Variants in STAB2 observed in about 807,000 individuals in gnomAD.
The protein encoded by STAB2 is stabilin 2, also known as stabilin-2.
Under a neutral mutation model 338.1 loss-of-function variants are expected in STAB2, and 288 were observed. That is an observed-to-expected ratio of 0.85 (90% confidence interval 0.77 to 0.94). The LOEUF (loss-of-function observed/expected upper bound fraction) is 0.94. STAB2 is among the 40% of genes least tolerant of loss of function. The pLI is 0.00. For missense variants in STAB2, 3,141 were observed against 3,210.1 expected (o/e 0.98, Z 0.52); for synonymous variants, 1,202 against 1,193.3 (o/e 1.01, Z -0.15).
Position 103,712,423 on chromosome 12 carries a change from G to A in STAB2, c.4391G>A (p.Gly1464Glu), listed in dbSNP as rs144451227. Residue 1464 changes from glycine to glutamate, a missense_variant, in exon 41 of 69, where the codon GGA becomes GAA. By Grantham distance (98) the Gly-to-Glu change is moderately conservative. Transcript: ENST00000388887. ...ASCKCAAGFQGNGTICTAINA... is the reference protein window; with the variant it reads ...ASCKCAAGFQENGTICTAINA... ...TGCAAGTGTGCAGCAGGATTCCAAG[G>A]AAACGGGACCATCTGCACAGGCAAG... 75 of 1,614,020 alleles carry A rather than the reference G, an allele frequency of 4.6e-5. No individual in the cohort carries two copies. The African/African-American group carries it at 9.1e-4, about 20-fold the overall frequency.
chr12:103,749,823 G>C (rs1380987175), intron 59 of STAB2, among the ~76,000 whole-genome samples: 1 of 108,960 alleles, frequency 9.2e-6, no homozygotes, highest in Non-Finnish European at 1.7e-5. Context: ...CTGGGTGACA[G>C]AGCAAGACTC....
Position 103,745,179 on chromosome 12 carries a change from G to A in STAB2, c.6038G>A (p.Gly2013Asp), listed in dbSNP as rs1364160537. 1 of 1,613,244 alleles carries A rather than the reference G, an allele frequency of 6.2e-7. No homozygotes were observed. Residue 2013 changes from glycine to aspartate, a missense_variant, in exon 57 of 69, where the codon GGC (glycine) becomes GAC (aspartate). Gly to Asp is a moderately conservative substitution (Grantham distance 94). Coordinates refer to ENST00000388887, the MANE Select transcript of STAB2 (RefSeq NM_017564.10). ...GRFGPDCLPCGCSDHGQCDDG... is the reference protein window; with the variant it reads ...GRFGPDCLPCDCSDHGQCDDG... ...TATCCTAATTTGTTTACAGCCTGTG[G>A]CTGCTCAGACCACGGACAGTGCGAT...
intron 44 of STAB2, among the ~76,000 whole-genome samples, chr12:103,721,334 A>G (rs1593282354): frequency 6.6e-6 from 1 of 152,354 alleles, no homozygotes; most frequent in African/African-American, 2.4e-5. Context: ...AGGAAGAGCA[A>G]GCCAGGGGTC....
At chr12:103,698,891 T>C (rs773961943) in intron 33 of STAB2, among the ~76,000 whole-genome samples, 16 of 152,242 alleles carry the variant, frequency 1.1e-4, no homozygotes, top group Admixed American at 6.5e-4. Context: ...GACTGTGCTA[T>C]CTGGAAAATT....
At chr12:103,750,446 A>G (rs1883526113) in intron 59 of STAB2, 133 bp from the exon 60 acceptor site, 20 of 1,101,204 alleles carry the variant, frequency 1.8e-5, no homozygotes, top group Non-Finnish European at 2.6e-5. Flanking sequence ...AGTTATTCCC[A>G]CTGGACAGGA....
chr12:103,750,706 A>G lies in STAB2; in HGVS notation c.6566A>G (p.Asp2189Gly). 1 of 1,613,380 alleles carries G rather than the reference A, an allele frequency of 6.2e-7. No homozygotes were observed. The highest frequency in any genetic ancestry group is 1.3e-5 in the African/African-American group (1 of 75,010). The change falls in exon 60 of 69, where the codon GAC (aspartate) becomes GGC (glycine). Residue 2189 changes from aspartate to glycine, a missense_variant. By Grantham distance (94) the Asp-to-Gly change is moderately conservative. Transcript: ENST00000388887. Reference sequence around the variant, plus strand: ...TGCCATGCAGACGCCAAATGTGTCGACCTCCACTTCCAGGGTTAGTGTGAC... The same window carrying G: ...TGCCATGCAGACGCCAAATGTGTCGGCCTCCACTTCCAGGGTTAGTGTGAC... ...GQCHADAKCVDLHFQDTTVGV... is the reference protein window; with the variant it reads ...GQCHADAKCVGLHFQDTTVGV...
chr12:103,654,632 T>C lies in STAB2; in HGVS notation c.1485T>C (p.Asn495=), dbSNP rs575628868. The C allele has an allele frequency of 2.5e-6, 4 of 1,614,208 alleles. 1 individual carries two copies. In the African/African-American group the frequency reaches 5.3e-5, roughly 22 times the overall value. Residue 495 remains asparagine, a synonymous_variant, in exon 13 of 69, where the codon AAT becomes AAC. Transcript: ENST00000388887. The part of the protein sequence containing the change: ...KIIQGDIIAS[N]GLLHILDRAM... ...TACAAGGGGACATCATTGCTTCCAA[T>C]GGGCTTCTGCACATCCTTGACAGAG...
intron 44 of STAB2, 130 bp from the exon 45 acceptor site, chr12:103,724,845 A>G: frequency 1.3e-6 from 2 of 1,495,506 alleles, no homozygotes; most frequent in Non-Finnish European, 1.8e-6. Flanking sequence ...AAAAGGATAA[A>G]CAATACAAAT....
At position 103,638,188 on chromosome 12, in the gene STAB2, G is replaced by A; in HGVS notation, c.882G>A (p.Val294=). Residue 294 remains valine (V), a synonymous_variant, in exon 8 of 69, where the codon GTG becomes GTA. Transcript: ENST00000388887. The stretch of plus-strand genomic sequence containing the variant: ...GAAACTGCCCTACAAAGTCTACAGT[G>A]TGCAAATATGATGGGCCTGGACAGG... ...NFGNCPTKST[V]CKYDGPGQSH... is the part of the protein sequence containing the mutation. 6.2e-7 allele frequency: 1 copy of A among 1,614,184 alleles called. No homozygotes were observed. Among genetic ancestry groups the A allele is most frequent in the Non-Finnish European group, 8.5e-7 (1 of 1,180,010 alleles).
chr12:103,755,384 G>T lies in STAB2; in HGVS notation c.6797G>T (p.Gly2266Val), dbSNP rs866822197. Residue 2266 changes from glycine to valine, a missense_variant, in exon 62 of 69, where the codon GGC becomes GTC. Coordinates refer to ENST00000388887, the MANE Select transcript of STAB2 (RefSeq NM_017564.10). ...YPTAFASQNC[G>V]SGVVGIVDYG... ...ACAGCCTTCGCCTCCCAGAACTGTGGCTCTGGTGTGGTTGGGATAGTGGAC... is the reference window on the plus strand; with the variant it reads ...ACAGCCTTCGCCTCCCAGAACTGTGTCTCTGGTGTGGTTGGGATAGTGGAC... The T allele has an allele frequency of 6.2e-7, 1 of 1,614,030 alleles. No individual in the cohort carries two copies. Among genetic ancestry groups the T allele is most frequent in the African/African-American group, 1.3e-5 (1 of 74,914 alleles).
In STAB2 at chr12:103,669,316, C is replaced by T. The variant is rs373171534; in HGVS notation, c.2173-225C>T. ...AAGCATGAGCCTTCCTCTGTCTGTT[C>T]GCACAGTGTTAGAGCCAGTCCAGCA... is the stretch of plus-strand genomic sequence containing the variant. On this transcript the variant is annotated intron_variant, in intron 20 of 68. Transcript: ENST00000388887. 1.7e-3 allele frequency: 825 copies of T among 489,674 alleles called. 4 individuals are homozygous for T. The highest frequency in any genetic ancestry group is 2.3e-3 in the Non-Finnish European group (627 of 273,762). 30.3% of individuals were successfully genotyped at this position (489,674 alleles called of 1,614,324 possible). A position where few individuals can be genotyped will look rare whatever the true frequency, so the allele number is the denominator to read the frequency against.
At chr12:103,730,498 G>A (rs1881549671) in intron 49 of STAB2, among the ~76,000 whole-genome samples, 1 of 152,126 alleles carries the variant, frequency 6.6e-6, no homozygotes, top group South Asian at 2.1e-4. Context: ...TCTTACATAG[G>A]TTTAGAAAAT....
chr12:103,636,988 G>A, intron 6 of STAB2, 123 bp from the exon 7 acceptor site: 2 of 1,118,900 alleles, frequency 1.8e-6, no homozygotes, highest in Non-Finnish European at 2.4e-6. Flanking sequence ...AACGTGTTCT[G>A]TATTTTTTAA....
intron 37 of STAB2, 56 bp from the exon 38 acceptor site, chr12:103,706,736 G>A: frequency 6.2e-7 from 1 of 1,605,428 alleles, no homozygotes; most frequent in Non-Finnish European, 8.5e-7. Context: ...CTACACCGAG[G>A]CTGGACAACA....
intron 3 of STAB2, among the ~76,000 whole-genome samples, chr12:103,608,005 T>A (rs1302838418): frequency 3.3e-5 from 5 of 152,196 alleles, no homozygotes; most frequent in African/African-American, 9.6e-5. Context: ...TCCCACCAAC[T>A]GTGTAAAAAT....
At chr12:103,685,422 CTGTGTGTGTGTGTGTGTGTGTGTGTG>C (rs141365936) in intron 27 of STAB2, among the ~76,000 whole-genome samples, 3 of 145,906 alleles carry the variant, frequency 2.1e-5, no homozygotes, top group Non-Finnish European at 4.5e-5. Flanking sequence ...CTTACCCATG[CTGTGTGTGTGTGTGTGTGTGTGTGTG>C]TGTGTGCGCG....
At position 103,685,469 on chromosome 12, in the gene STAB2, T is replaced by TGTGTGCGTGC. The variant is rs1300245724; in HGVS notation, c.2997+388_2997+389insTGCGTGCGTG. Among the ~76,000 whole-genome samples the TGTGTGCGTGC allele has an allele frequency of 9.9e-5, 14 of 140,812 alleles. No individual in the cohort carries two copies. In the East Asian group the frequency reaches 1.2e-3, roughly 12 times the overall value. The allele number at this position is 140,812 out of a possible 152,430, so 92.4% of individuals were successfully genotyped here. On this transcript the variant is annotated intron_variant, in intron 27 of 68. Coordinates refer to ENST00000388887, the MANE Select transcript of STAB2 (RefSeq NM_017564.10). ...GTGTGTGTGTGCGCGTGCGTGTGTG[T>TGTGTGCGTGC]GTGCGTGCGCGCATGTGTGTGTGTG... is the stretch of plus-strand genomic sequence containing the variant.
chr12:103,704,448 G>T, intron 35 of STAB2, 110 bp from the exon 36 acceptor site: 1 of 1,058,268 alleles, frequency 9.4e-7, no homozygotes, highest in Non-Finnish European at 1.4e-6. Context: ...AGGCTGCCCA[G>T]ATAATCTGCC....
rs186810248 is a variant in STAB2, at chr12:103,738,847, C to T, written c.5698-565C>T. 8.9e-4 allele frequency among the ~76,000 whole-genome samples: 136 copies of T among 152,328 alleles called. 1 individual carries two copies. Among genetic ancestry groups the T allele is most frequent in the African/African-American group, 2.9e-3 (121 of 41,574 alleles). On this transcript the variant is annotated intron_variant, in intron 53 of 68. Transcript: ENST00000388887. ...GCTAATAGCATATGCCTGTAAGACA[C>T]TGCCCTGGTCCAGCTCTGTATAACA...
Sources: allele counts gnomAD v4.1 joint callset (sites outside exome capture counted in the v4.1 genomes callset), GRCh38; gene constraint gnomAD v4.1.1; transcripts MANE v1.5; gene names NCBI Gene and HGNC (gene_info 2026-07-23, HGNC 2026-07-21).